Variants in NLN observed in about 807,000 individuals in gnomAD.
NLN encodes the protein neurolysin.
NLN carries 64 observed loss-of-function variants against 79.9 expected under a neutral mutation model. That is an observed-to-expected ratio of 0.80 (90% CI 0.65 to 0.99). The LOEUF is 0.99. Among genes scored for constraint, NLN ranks in the 50% least tolerant of loss-of-function variants. The pLI is 0.00. For synonymous variants in NLN, 267 were observed against 296.6 expected, an observed-to-expected ratio of 0.90 and a Z score of 1.02; for missense variants, 835 against 858.7, an observed-to-expected ratio of 0.97 and a Z score of 0.34.
chr5:65,788,090 G>A, intron 7 of NLN, 28 bp from the exon 8 acceptor site: 3 of 1,594,694 alleles, frequency 1.9e-6, no homozygotes, highest in Non-Finnish European at 2.6e-6. Flanking sequence ...AAAGCAAGTA[G>A]ATCACTAACT....
Position 65,828,890 on chromosome 5 carries a change from T to G in NLN, c.*5975T>G, listed in dbSNP as rs1760968900. On this transcript the variant is annotated 3_prime_UTR_variant, in exon 13 of 13. Coordinates refer to ENST00000380985, the MANE Select transcript of NLN (RefSeq NM_020726.5). ...TCCCCCATACTGTAGGAATATTGTT[T>G]ATGGCTTAAGGTTGCCTCGCTCCTC... 1 of 152,242 alleles carries G rather than the reference T, an allele frequency of 6.6e-6. No individual in the cohort carries two copies. Among genetic ancestry groups the G allele is most frequent in the African/African-American group, 2.4e-5 (1 of 41,458 alleles). The allele number at this position is 152,242 out of a possible 1,614,324, so 9.4% of individuals were successfully genotyped here.
intron 3 of NLN, among the ~76,000 whole-genome samples, chr5:65,776,883 T>G (rs1759692795): frequency 1.3e-5 from 2 of 152,228 alleles, no homozygotes; most frequent in Admixed American, 6.5e-5. Flanking sequence ...TTGATCTCTC[T>G]TGGCAAATGA....
intron 1 of NLN, among the ~76,000 whole-genome samples, chr5:65,730,374 A>C (rs1451359954): frequency 1.3e-5 from 2 of 152,206 alleles, no homozygotes; most frequent in Non-Finnish European, 2.9e-5. Flanking sequence ...GAGGCAGGTC[A>C]TTCTAAGCAG....
intron 1 of NLN, among the ~76,000 whole-genome samples, chr5:65,758,178 A>G (rs1452647480): frequency 1.3e-5 from 2 of 152,068 alleles, no homozygotes; most frequent in African/African-American, 4.8e-5. Context: ...CAAGGCTGCA[A>G]TGAGCTATGA....
intron 9 of NLN, among the ~76,000 whole-genome samples, chr5:65,799,183 A>G (rs1396115566): frequency 1.3e-5 from 2 of 152,188 alleles, no homozygotes; most frequent in Admixed American, 1.3e-4. Flanking sequence ...TGCCCAGCCT[A>G]TATAGTTATT....
chr5:65,814,842 C>T (rs1421891349), intron 12 of NLN, among the ~76,000 whole-genome samples: 1 of 152,054 alleles, frequency 6.6e-6, no homozygotes, highest in Non-Finnish European at 1.5e-5. Flanking sequence ...TTTAATGTAA[C>T]TATTACCAAG....
chr5:65,779,774 A>G (rs1031604224), intron 4 of NLN, among the ~76,000 whole-genome samples: 8 of 152,232 alleles, frequency 5.3e-5, no homozygotes, highest in Non-Finnish European at 1.2e-4. Context: ...ACACACAGAT[A>G]CACGTGGACA....
Position 65,762,988 on chromosome 5 carries a change from G to A in NLN, c.330G>A (p.Gln110=). 1 of 1,613,942 alleles carries A rather than the reference G, an allele frequency of 6.2e-7. No homozygotes were observed. Among genetic ancestry groups the A allele is most frequent in the South Asian group, 1.1e-5 (1 of 91,080 alleles). Residue 110 remains glutamine, a synonymous_variant, in exon 3 of 13, where the codon CAG becomes CAA. Coordinates refer to ENST00000380985, the MANE Select transcript of NLN (RefSeq NM_020726.5). ...IVERTMLDFP[Q]HVSSDKEVRA... Reference sequence around the variant, plus strand: ...AAAGGACCATGCTAGACTTTCCCCAGCATGTATCCTCTGACAAAGAAGTAC... The same window carrying A: ...AAAGGACCATGCTAGACTTTCCCCAACATGTATCCTCTGACAAAGAAGTAC...
At chr5:65,748,290 G>A (rs1010933608) in intron 1 of NLN, among the ~76,000 whole-genome samples, 2 of 152,146 alleles carry the variant, frequency 1.3e-5, no homozygotes, top group Non-Finnish European at 2.9e-5. Context: ...AGGGATTAAA[G>A]GACTGGAGTT....
rs1462994247 is a variant in NLN at position 65,781,248 on chromosome 5, T to C, written c.662-13T>C. On this transcript the variant is annotated splice_polypyrimidine_tract_variant and intron_variant, in intron 5 of 12. Coordinates refer to ENST00000380985, the MANE Select transcript of NLN (RefSeq NM_020726.5). ...GTGGAAAATTTGATATATGAGAAAA[T>C]GATTTTTTGCAGGTGCTCTTCCTGA... The C allele has an allele frequency of 1.1e-5, 18 of 1,592,536 alleles. No individual in the cohort carries two copies. Among genetic ancestry groups the C allele is most frequent in the Non-Finnish European group, 1.5e-5 (18 of 1,166,798 alleles).
chr5:65,723,462 C>A (rs1657294378), intron 1 of NLN, among the ~76,000 whole-genome samples: 1 of 151,576 alleles, frequency 6.6e-6, no homozygotes, highest in Non-Finnish European at 1.5e-5. Flanking sequence ...TGAAGTTATA[C>A]CAAGAAATGA....
At chr5:65,730,509 A>G (rs1452391429) in intron 1 of NLN, among the ~76,000 whole-genome samples, 2 of 152,106 alleles carry the variant, frequency 1.3e-5, no homozygotes, top group Non-Finnish European at 2.9e-5. Flanking sequence ...GAGACAGGGA[A>G]AAATTGGACT....
intron 1 of NLN, among the ~76,000 whole-genome samples, chr5:65,730,856 C>G (rs1184977333): frequency 6.6e-6 from 1 of 152,150 alleles, no homozygotes; most frequent in Non-Finnish European, 1.5e-5. Flanking sequence ...CTGGCCTGTA[C>G]TCACCTTTTA....
At chr5:65,769,009 T>C (rs549108189) in intron 3 of NLN, among the ~76,000 whole-genome samples, 1 of 152,384 alleles carries the variant, frequency 6.6e-6, no homozygotes, top group South Asian at 2.1e-4. Flanking sequence ...TGGGTTAATT[T>C]GGGCTTCCTT....
At chr5:65,801,515 T>C (rs1460378779) in intron 9 of NLN, among the ~76,000 whole-genome samples, 1 of 152,272 alleles carries the variant, frequency 6.6e-6, no homozygotes, top group East Asian at 1.9e-4. Flanking sequence ...TTGTAGGTTC[T>C]TTGTCCTCCT....
chr5:65,818,070 A>G (rs1035462059), intron 12 of NLN, among the ~76,000 whole-genome samples: 1 of 152,230 alleles, frequency 6.6e-6, no homozygotes, highest in Non-Finnish European at 1.5e-5. Flanking sequence ...AGGAATTCGA[A>G]TTGATTTCCA....
At chr5:65,768,372 G>A (rs1295377391) in intron 3 of NLN, among the ~76,000 whole-genome samples, 49 of 152,120 alleles carry the variant, frequency 3.2e-4, no homozygotes. Context: ...GGAAGCATTA[G>A]ACACTTATAA....
chr5:65,765,118 C>T (rs547842405), intron 3 of NLN, among the ~76,000 whole-genome samples: 2 of 152,290 alleles, frequency 1.3e-5, no homozygotes, highest in African/African-American at 2.4e-5. Flanking sequence ...CATGGTGGCT[C>T]ACGCCTGTAA....
chr5:65,767,543 G>A (rs1759479362), intron 3 of NLN, among the ~76,000 whole-genome samples: 1 of 152,208 alleles, frequency 6.6e-6, no homozygotes, highest in Non-Finnish European at 1.5e-5. Flanking sequence ...CTGTTGTGAA[G>A]ACCTCTGACA....
Sources: gnomAD v4.1 joint callset for allele counts (sites outside exome capture counted in the v4.1 genomes callset) on GRCh38, gnomAD v4.1.1 for gene constraint, MANE v1.5 for transcripts, NCBI Gene and HGNC (gene_info 2026-07-23, HGNC 2026-07-21) for gene names.